The following CSMD1 variants were observed in gnomAD, a reference collection of about 807,000 sequenced individuals.
CSMD1 encodes the protein CUB and Sushi multiple domains 1.
CSMD1 carries 213 observed loss-of-function variants against 417.5 expected under a neutral mutation model. That is an observed-to-expected ratio of 0.51 (90% CI 0.46 to 0.57). CSMD1 has a LOEUF of 0.57. Ranked by LOEUF, CSMD1 falls within the 20% of genes least tolerant of loss-of-function variation. CSMD1 has a pLI of 0.00. For synonymous variants in CSMD1, 2,862 were observed against 1,736.8 expected, an observed-to-expected ratio of 1.65 and a Z score of -16.11; for missense variants, 6,923 against 4,529.7, an observed-to-expected ratio of 1.53 and a Z score of -15.17.
At chr8:4,519,578 A>T (rs952318957) in intron 2 of CSMD1, among the ~76,000 whole-genome samples, 8 of 151,268 alleles carry the variant, frequency 5.3e-5, no homozygotes, top group Non-Finnish European at 8.8e-5. Context: ...CGTCTCTACT[A>T]AAAACACCAA....
rs532132528 is a variant in CSMD1, at chr8:4,430,696, G to A, written c.303-10631C>T. Among the ~76,000 whole-genome samples the A allele has an allele frequency of 7.2e-5, 11 of 151,774 alleles. No homozygotes were observed. The South Asian group carries it at 1.5e-3, about 20-fold the overall frequency. Reference sequence around the variant, plus strand: ...ATTACAGTGTCTGTAATAGACTATCGGAAACAAAAAATCTAAAGAGATTTT... The same window carrying A: ...ATTACAGTGTCTGTAATAGACTATCAGAAACAAAAAATCTAAAGAGATTTT... On this transcript the variant is annotated intron_variant, in intron 2 of 69. Transcript: ENST00000635120.
At chr8:4,261,398 C>T (rs376888195) in intron 3 of CSMD1, among the ~76,000 whole-genome samples, 2 of 152,062 alleles carry the variant, frequency 1.3e-5, no homozygotes, top group African/African-American at 4.8e-5. Flanking sequence ...TGGTAGTTGC[C>T]AGGGGCTGGG....
chr8:4,943,252 T>G (rs541775552), intron 1 of CSMD1, among the ~76,000 whole-genome samples: 2 of 152,220 alleles, frequency 1.3e-5, no homozygotes, highest in East Asian at 3.9e-4. Context: ...TCCCAGCACT[T>G]TGGGCGGCCC....
intron 1 of CSMD1, among the ~76,000 whole-genome samples, chr8:4,935,579 G>C (rs1807559344): frequency 6.6e-6 from 1 of 152,080 alleles, no homozygotes; most frequent in Non-Finnish European, 1.5e-5. Flanking sequence ...AATATTTTCA[G>C]CAAAAAGTCT....
At chr8:3,524,371 GCACACATGCACATACA>G (rs541565461) in intron 10 of CSMD1, among the ~76,000 whole-genome samples, 2,329 of 134,656 alleles carry the variant, frequency 0.017, 53 homozygotes, top group African/African-American at 0.061. Flanking sequence ...GCACACAAGT[GCACACATGCACATACA>G]CACACATGCA....
chr8:3,782,980 C>G (rs927031458), intron 5 of CSMD1, among the ~76,000 whole-genome samples: 1 of 152,136 alleles, frequency 6.6e-6, no homozygotes, highest in African/African-American at 2.4e-5. Context: ...GGATTGTTAG[C>G]TATAAGCAAA....
chr8:4,322,302 C>G (rs1247056569), intron 3 of CSMD1, among the ~76,000 whole-genome samples: 2 of 151,056 alleles, frequency 1.3e-5, no homozygotes, highest in African/African-American at 4.8e-5. Context: ...TTCATGTTAT[C>G]TGCATATTTG....
At chr8:4,552,277 C>A (rs756051629) in intron 2 of CSMD1, among the ~76,000 whole-genome samples, 2 of 152,106 alleles carry the variant, frequency 1.3e-5, no homozygotes, top group Non-Finnish European at 2.9e-5. Context: ...TTCAGAAGGA[C>A]CTGGGAAAAT....
chr8:3,745,937 G>C (rs1244485507), intron 6 of CSMD1, among the ~76,000 whole-genome samples: 1 of 152,162 alleles, frequency 6.6e-6, no homozygotes, highest in Non-Finnish European at 1.5e-5. Context: ...AGGCCGGGGG[G>C]AAAGGCCAGA....
At position 4,317,278 on chromosome 8, in the gene CSMD1, G is replaced by A. The variant is rs111682566; in HGVS notation, c.415+102675C>T. Among the ~76,000 whole-genome samples, 760 of 152,258 alleles carry A rather than the reference G, an allele frequency of 5.0e-3. 4 individuals are homozygous for A. Among genetic ancestry groups the A allele is most frequent in the African/African-American group, 0.017 (687 of 41,554 alleles). The stretch of plus-strand genomic sequence containing the variant: ...TTACTATGTATGATTTTAAAAGAAA[G>A]CTGAAAGCACTGGTGTGATTTGTAT... On this transcript the variant is annotated intron_variant, in intron 3 of 69. Transcript: ENST00000635120.
At chr8:4,762,354 T>C (rs573908434) in intron 1 of CSMD1, among the ~76,000 whole-genome samples, 29 of 152,252 alleles carry the variant, frequency 1.9e-4, no homozygotes, top group African/African-American at 7.0e-4. Context: ...CCAGTAAACT[T>C]TGTTTACTGC....
intron 3 of CSMD1, among the ~76,000 whole-genome samples, chr8:4,229,554 T>C (rs1198872607): frequency 6.6e-6 from 1 of 152,120 alleles, no homozygotes; most frequent in African/African-American, 2.4e-5. Context: ...TTACCCAGCA[T>C]TCCCCATCCT....
rs1421071876 is a variant in CSMD1, at chr8:4,265,999, T to C, written c.415+153954A>G. Among the ~76,000 whole-genome samples, 2 of 103,946 alleles carry C rather than the reference T, an allele frequency of 1.9e-5. 1 individual carries two copies. Among genetic ancestry groups the C allele is most frequent in the Non-Finnish European group, 5.2e-5 (2 of 38,710 alleles). The allele number at this position is 103,946 out of a possible 152,430, so 68.2% of individuals were successfully genotyped here. A position where few individuals can be genotyped will look rare whatever the true frequency, so the allele number is the denominator to read the frequency against. On this transcript the variant is annotated intron_variant, in intron 3 of 69. Transcript: ENST00000635120. The stretch of plus-strand genomic sequence containing the variant: ...GCCTACTTTGTGTGCGTTTGGGCTG[T>C]GTAAGTCATCCCAAACCGGCCCACC...
chr8:4,383,210 C>A (rs1803219397), intron 3 of CSMD1, among the ~76,000 whole-genome samples: 2 of 152,114 alleles, frequency 1.3e-5, no homozygotes, highest in Non-Finnish European at 2.9e-5. Flanking sequence ...AGTACTGACC[C>A]AGTATGTTAA....
At chr8:3,298,605 C>G (rs902048703) in intron 25 of CSMD1, among the ~76,000 whole-genome samples, 1 of 152,158 alleles carries the variant, frequency 6.6e-6, no homozygotes, top group Admixed American at 6.5e-5. Context: ...AGGCGTGTGC[C>G]AACACAACTT....
intron 3 of CSMD1, among the ~76,000 whole-genome samples, chr8:4,379,790 G>C (rs749537717): frequency 1.3e-5 from 2 of 152,196 alleles, no homozygotes; most frequent in Non-Finnish European, 1.5e-5. Flanking sequence ...AAGTCCTCCA[G>C]TCAAAATGTT....
chr8:3,710,332 G>A (rs1015649228), intron 6 of CSMD1, among the ~76,000 whole-genome samples: 3 of 151,998 alleles, frequency 2.0e-5, no homozygotes, highest in Non-Finnish European at 2.9e-5. Context: ...ACATACCCAC[G>A]ACCAACTGGC....
intron 3 of CSMD1, among the ~76,000 whole-genome samples, chr8:4,392,343 G>A (rs1202587411): frequency 6.6e-6 from 1 of 152,090 alleles, no homozygotes; most frequent in Non-Finnish European, 1.5e-5. Flanking sequence ...ATGTAGGGAA[G>A]GTCACATGAG....
At chr8:4,148,161 C>T (rs1796368205) in intron 3 of CSMD1, among the ~76,000 whole-genome samples, 3 of 152,134 alleles carry the variant, frequency 2.0e-5, no homozygotes, top group South Asian at 4.1e-4. Flanking sequence ...TCAATAACAG[C>T]TCCTGCCTAA....
Sources: gnomAD v4.1 joint callset for allele counts (sites outside exome capture counted in the v4.1 genomes callset) on GRCh38, gnomAD v4.1.1 for gene constraint, MANE v1.5 for transcripts, NCBI Gene and HGNC (gene_info 2026-07-23, HGNC 2026-07-21) for gene names.